CDH18: variants seen among roughly 807,000 people sequenced by gnomAD.
The protein encoded by CDH18 is cadherin-18.
A neutral mutation model predicts 67.9 loss-of-function variants in CDH18; 31 were observed. The ratio of observed to expected loss-of-function variants is 0.46; its 90% CI spans 0.34 to 0.62. The LOEUF is 0.62. Ranked by LOEUF, CDH18 falls within the 20% of genes least tolerant of loss-of-function variation. The probability of loss-of-function intolerance (pLI) is 0.01; values close to 1 mark genes in which losing one functional copy is unlikely to be tolerated. For missense variants in CDH18, 890 were observed against 975.5 expected, an observed-to-expected ratio of 0.91 and a Z score of 1.17; for synonymous variants, 362 against 347.2, an observed-to-expected ratio of 1.04 and a Z score of -0.48.
chr5:19,710,939 A>G (rs1263828062), intron 5 of CDH18, among the ~76,000 whole-genome samples: 1 of 152,128 alleles, frequency 6.6e-6, no homozygotes, highest in East Asian at 1.9e-4. Context: ...GAACTCAGAA[A>G]TGAAGCCACA....
chr5:20,398,498 TA>T (rs1341032477), intron 1 of CDH18, among the ~76,000 whole-genome samples: 1 of 152,148 alleles, frequency 6.6e-6, no homozygotes, highest in African/African-American at 2.4e-5. Context: ...TCACTTTGTA[TA>T]AAAAGATGAG....
intron 1 of CDH18, among the ~76,000 whole-genome samples, chr5:20,543,089 C>G (rs1056114440): frequency 1.3e-5 from 2 of 151,866 alleles, no homozygotes; most frequent in African/African-American, 2.4e-5. Flanking sequence ...ATGGCTTAAC[C>G]TCTTTTGATA....
chr5:19,828,631 C>G (rs1581536201), intron 3 of CDH18, among the ~76,000 whole-genome samples: 1 of 152,138 alleles, frequency 6.6e-6, no homozygotes, highest in Non-Finnish European at 1.5e-5. Context: ...GAAGTAAATA[C>G]AAAACCAAAT....
intron 6 of CDH18, among the ~76,000 whole-genome samples, chr5:19,610,745 T>A (rs982123935): frequency 2.0e-5 from 3 of 152,128 alleles, no homozygotes; most frequent in African/African-American, 7.2e-5. Context: ...TACCAATCTA[T>A]GAAATAATAA....
At chr5:20,246,635 A>AC in intron 2 of CDH18, among the ~76,000 whole-genome samples, 1 of 152,272 alleles carries the variant, frequency 6.6e-6, no homozygotes, top group Non-Finnish European at 1.5e-5. Context: ...GGCTTTGATT[A>AC]CCAGATCACC....
At chr5:19,676,736 T>C (rs1759538320) in intron 5 of CDH18, among the ~76,000 whole-genome samples, 2 of 151,834 alleles carry the variant, frequency 1.3e-5, no homozygotes, top group South Asian at 4.2e-4. Context: ...TTAAACACAC[T>C]GTGCATGCTC....
chr5:20,088,971 C>T (rs1021428274), intron 2 of CDH18, among the ~76,000 whole-genome samples: 2 of 152,020 alleles, frequency 1.3e-5, no homozygotes, highest in African/African-American at 4.8e-5. Context: ...TGGGACCCCT[C>T]CTGGTTTTTT....
chr5:20,268,240 T>G (rs1745186893), intron 1 of CDH18, among the ~76,000 whole-genome samples: 1 of 152,238 alleles, frequency 6.6e-6, no homozygotes, highest in Admixed American at 6.5e-5. Context: ...CTATTGTGAA[T>G]AGTGCTGCAA....
intron 2 of CDH18, among the ~76,000 whole-genome samples, chr5:19,996,610 T>G (rs1736040455): frequency 6.6e-6 from 1 of 152,034 alleles, no homozygotes; most frequent in Non-Finnish European, 1.5e-5. Flanking sequence ...TTTTCTTCTA[T>G]TTGCTTATTC....
chr5:19,980,048 C>A (rs1798880528), intron 2 of CDH18, among the ~76,000 whole-genome samples: 1 of 152,010 alleles, frequency 6.6e-6, no homozygotes, highest in South Asian at 2.1e-4. Context: ...GATTGTTTAC[C>A]TAGAAAACCT....
At chr5:19,942,504 C>T (rs528693750) in intron 2 of CDH18, among the ~76,000 whole-genome samples, 13 of 152,252 alleles carry the variant, frequency 8.5e-5, no homozygotes, top group East Asian at 3.9e-4. Flanking sequence ...AAATTTACCA[C>T]GGAAAATATG....
intron 11 of CDH18, among the ~76,000 whole-genome samples, chr5:19,493,096 G>A (rs1741734638): frequency 6.6e-6 from 1 of 152,118 alleles, no homozygotes; most frequent in Non-Finnish European, 1.5e-5. Flanking sequence ...TAATCTCTGA[G>A]TCACTCTCCC....
intron 3 of CDH18, among the ~76,000 whole-genome samples, chr5:19,832,433 T>A (rs1781153460): frequency 6.6e-6 from 1 of 152,110 alleles, no homozygotes; most frequent in Non-Finnish European, 1.5e-5. Context: ...ATTTTAGGTC[T>A]GTTGACAAAA....
chr5:20,134,602 A>T (rs1392371747), intron 2 of CDH18, among the ~76,000 whole-genome samples: 2 of 152,166 alleles, frequency 1.3e-5, no homozygotes. Context: ...ATGTGATGAC[A>T]TGTGGGGATT....
At position 20,546,349 on chromosome 5, in the gene CDH18, C is replaced by A. The variant is rs1581180905; in HGVS notation, c.-580+29113G>T. Among the ~76,000 whole-genome samples, 3 of 152,098 alleles carry A rather than the reference C, an allele frequency of 2.0e-5. No individual in the cohort carries two copies. The East Asian group carries it at 5.8e-4, about 29-fold the overall frequency. On this transcript the variant is annotated intron_variant, in intron 1 of 14. Coordinates refer to the CDH18 transcript ENST00000507958. The stretch of plus-strand genomic sequence containing the variant: ...TTTTCAGGTTATCTTTATAGCAGGA[C>A]CCCACTCTGCCAGTACCAATTCTCT...
intron 5 of CDH18, among the ~76,000 whole-genome samples, chr5:19,623,414 C>T (rs1468900353): frequency 6.6e-6 from 1 of 152,048 alleles, no homozygotes; most frequent in Non-Finnish European, 1.5e-5. Context: ...TTTAAATATC[C>T]TATACAAGTT....
intron 2 of CDH18, among the ~76,000 whole-genome samples, chr5:19,934,114 G>A (rs1328563994): frequency 6.7e-6 from 1 of 150,258 alleles, no homozygotes; most frequent in African/African-American, 2.4e-5. Context: ...GACAACAGGT[G>A]GTAAAAATGT....
At chr5:19,732,102 A>T (rs188713685) in intron 4 of CDH18, among the ~76,000 whole-genome samples, 48 of 151,958 alleles carry the variant, frequency 3.2e-4, no homozygotes, top group Admixed American at 1.4e-3. Context: ...AAAATAAAAA[A>T]AAAAATTAAT....
At chr5:20,539,961 T>C (rs1159591418) in intron 1 of CDH18, among the ~76,000 whole-genome samples, 2 of 152,300 alleles carry the variant, frequency 1.3e-5, no homozygotes, top group East Asian at 3.9e-4. Flanking sequence ...TATTTTAATG[T>C]CTAAACTGTC....
Sources: gnomAD v4.1 joint callset for allele counts (sites outside exome capture counted in the v4.1 genomes callset) on GRCh38, gnomAD v4.1.1 for gene constraint, MANE v1.5 for transcripts, NCBI Gene and HGNC (gene_info 2026-07-23, HGNC 2026-07-21) for gene names.